The following EFL1 variants were observed in gnomAD, a reference collection of about 807,000 sequenced individuals.
The protein encoded by EFL1 is elongation factor-like GTPase 1.
Under a neutral mutation model 126.7 loss-of-function variants are expected in EFL1, and 76 were observed. The ratio of observed to expected loss-of-function variants is 0.60; its 90% CI spans 0.50 to 0.73. EFL1 has a LOEUF of 0.73. Among genes scored for constraint, EFL1 ranks in the 30% least tolerant of loss-of-function variants. The probability of loss-of-function intolerance (pLI) is 0.00; values close to 1 mark genes in which losing one functional copy is unlikely to be tolerated. For missense variants in EFL1, 1,128 were observed against 1,343.2 expected, an observed-to-expected ratio of 0.84 and a Z score of 2.50; for synonymous variants, 410 against 448.4, an observed-to-expected ratio of 0.91 and a Z score of 1.08.
At chr15:82,164,128 G>A (rs577271057) in intron 15 of EFL1, 144 bp from the exon 16 acceptor site, 2 of 769,938 alleles carry the variant, frequency 2.6e-6, no homozygotes, top group Non-Finnish European at 1.8e-6. Context: ...GACCTGCACT[G>A]TTTTTTTTTT....
At chr15:82,201,428 G>A (rs375520894) in intron 15 of EFL1, among the ~76,000 whole-genome samples, 1 of 152,130 alleles carries the variant, frequency 6.6e-6, no homozygotes, top group East Asian at 1.9e-4. Flanking sequence ...ACCAGAAAAA[G>A]GCCAAGTGTT....
chr15:82,175,836 G>T (rs942902522), intron 15 of EFL1, among the ~76,000 whole-genome samples: 1 of 152,004 alleles, frequency 6.6e-6, no homozygotes, highest in African/African-American at 2.4e-5. Flanking sequence ...GAATTTTGAA[G>T]ATTACTTAGA....
chr15:82,219,236 G>A (rs2074682448), intron 14 of EFL1, among the ~76,000 whole-genome samples: 1 of 152,170 alleles, frequency 6.6e-6, no homozygotes, highest in Non-Finnish European at 1.5e-5. Flanking sequence ...CAGGGTCTGT[G>A]TGCCATGCAA....
At chr15:82,259,201 G>C in intron 2 of EFL1, 46 bp from the exon 3 acceptor site, 1 of 1,532,266 alleles carries the variant, frequency 6.5e-7, no homozygotes, top group Non-Finnish European at 9.0e-7. Context: ...TTTTTTAAAA[G>C]GGGTCATGGA....
At chr15:82,260,938 G>C (rs1197659181) in intron 2 of EFL1, among the ~76,000 whole-genome samples, 1 of 152,190 alleles carries the variant, frequency 6.6e-6, no homozygotes, top group African/African-American at 2.4e-5. Context: ...GAAATCAAGA[G>C]GAGGCTTAGC....
chr15:82,191,700 C>T (rs1334724789), intron 15 of EFL1, among the ~76,000 whole-genome samples: 1 of 152,044 alleles, frequency 6.6e-6, no homozygotes, highest in Non-Finnish European at 1.5e-5. Flanking sequence ...TGATTAGAAA[C>T]AAACTGAGGT....
intron 15 of EFL1, among the ~76,000 whole-genome samples, chr15:82,165,897 T>C (rs2074074807): frequency 6.6e-6 from 1 of 152,240 alleles, no homozygotes; most frequent in Non-Finnish European, 1.5e-5. Flanking sequence ...ATTCCTCCTG[T>C]GCCTCCAGTG....
intron 17 of EFL1, among the ~76,000 whole-genome samples, chr15:82,153,213 A>C (rs2073932217): frequency 6.6e-6 from 1 of 152,184 alleles, no homozygotes; most frequent in Admixed American, 6.5e-5. Flanking sequence ...CAAGTTCAGA[A>C]AGCCCCTTTT....
chr15:82,261,568 A>G (rs1336982987), intron 2 of EFL1, 120 bp downstream of exon 2: 4 of 978,590 alleles, frequency 4.1e-6, no homozygotes, highest in Non-Finnish European at 5.9e-6. Context: ...ACTTTTAAAG[A>G]AAGAAGACTT....
chr15:82,191,536 T>C (rs2074359510), intron 15 of EFL1, among the ~76,000 whole-genome samples: 3 of 151,476 alleles, frequency 2.0e-5, no homozygotes, highest in Admixed American at 2.0e-4. Context: ...GATTTCGACA[T>C]GAAATCCCAA....
intron 15 of EFL1, among the ~76,000 whole-genome samples, chr15:82,206,544 GAAT>G (rs2074526901): frequency 6.6e-6 from 1 of 152,032 alleles, no homozygotes; most frequent in Non-Finnish European, 1.5e-5. Flanking sequence ...ATTTGGCAGG[GAAT>G]AAAGAAGATA....
intron 4 of EFL1, among the ~76,000 whole-genome samples, chr15:82,246,514 G>A (rs950043961): frequency 6.6e-6 from 1 of 152,016 alleles, no homozygotes; most frequent in Admixed American, 6.6e-5. Flanking sequence ...GACTAAGAAG[G>A]GGGAAGAGGG....
chr15:82,206,021 C>T (rs1045083722), intron 15 of EFL1, among the ~76,000 whole-genome samples: 1 of 152,218 alleles, frequency 6.6e-6, no homozygotes, highest in African/African-American at 2.4e-5. Context: ...ACCTGCTCAG[C>T]AGCTTCAAGA....
At chr15:82,250,693 G>C (rs2075012983) in intron 4 of EFL1, among the ~76,000 whole-genome samples, 1 of 152,072 alleles carries the variant, frequency 6.6e-6, no homozygotes, top group African/African-American at 2.4e-5. Flanking sequence ...GACAACAGTG[G>C]AGTTCCAGAG....
At chr15:82,180,970 C>T (rs897897563) in intron 15 of EFL1, among the ~76,000 whole-genome samples, 2 of 152,082 alleles carry the variant, frequency 1.3e-5, no homozygotes, top group Non-Finnish European at 2.9e-5. Context: ...TCAAGCAATC[C>T]GTCTGCCTCG....
chr15:82,145,227 G>A (rs374358223), intron 18 of EFL1, among the ~76,000 whole-genome samples: 1 of 150,870 alleles, frequency 6.6e-6, no homozygotes, highest in Non-Finnish European at 1.5e-5. Context: ...AGCTTGAACC[G>A]GGAAGGTGGA....
chr15:82,231,944 G>A (rs571525610), intron 7 of EFL1, among the ~76,000 whole-genome samples: 3 of 152,208 alleles, frequency 2.0e-5, no homozygotes, highest in South Asian at 2.1e-4. Context: ...CCTGGCTTCC[G>A]GTGTTTCAGC....
chr15:82,258,547 C>T (rs1273661111), intron 3 of EFL1, among the ~76,000 whole-genome samples: 1 of 152,136 alleles, frequency 6.6e-6, no homozygotes, highest in Non-Finnish European at 1.5e-5. Flanking sequence ...AGAGTGAGAT[C>T]CTGTCTCAAA....
chr15:82,193,801 CAATT>C (rs2074383046), intron 15 of EFL1, among the ~76,000 whole-genome samples: 1 of 152,190 alleles, frequency 6.6e-6, no homozygotes, highest in Non-Finnish European at 1.5e-5. Flanking sequence ...ATGGCTCAAT[CAATT>C]GAATGTGCTT....
Sources: gnomAD v4.1 joint callset for allele counts (sites outside exome capture counted in the v4.1 genomes callset) on GRCh38, gnomAD v4.1.1 for gene constraint, MANE v1.5 for transcripts, NCBI Gene and HGNC (gene_info 2026-07-23, HGNC 2026-07-21) for gene names.